The following RHPN2 variants were observed in gnomAD, a reference collection of about 807,000 sequenced individuals.
The protein encoded by RHPN2 is rhophilin-2.
RHPN2 carries 40 observed loss-of-function variants against 79.0 expected under a neutral mutation model. The observed-to-expected ratio is 0.51, with a 90% CI of 0.39 to 0.66. The LOEUF (loss-of-function observed/expected upper bound fraction) is 0.66, where lower values mean the gene tolerates loss of function less well. RHPN2 is among the 30% of genes least tolerant of loss of function. The pLI is 0.00. For missense variants in RHPN2, 686 were observed against 883.5 expected, an observed-to-expected ratio of 0.78 and a Z score of 2.83; for synonymous variants, 285 against 363.5, an observed-to-expected ratio of 0.78 and a Z score of 2.46.
At chr19:33,003,984 G>A (rs1009737059) in intron 7 of RHPN2, among the ~76,000 whole-genome samples, 17 of 152,208 alleles carry the variant, frequency 1.1e-4, no homozygotes, top group Admixed American at 3.9e-4. Flanking sequence ...AGACCAGCCT[G>A]GGCAACGTAC....
chr19:32,984,320 T>A (rs1971598924), intron 14 of RHPN2, among the ~76,000 whole-genome samples: 1 of 151,310 alleles, frequency 6.6e-6, no homozygotes, highest in African/African-American at 2.4e-5. Context: ...AAAATCCTTA[T>A]CATAAAAATT....
At chr19:32,999,456 A>G in intron 10 of RHPN2, 130 bp downstream of exon 10, 5 of 1,181,736 alleles carry the variant, frequency 4.2e-6, no homozygotes, top group Non-Finnish European at 6.0e-6. Flanking sequence ...TTCTGAACCC[A>G]AAGTGGCCAC....
At chr19:33,025,985 T>G (rs1049902626) in intron 3 of RHPN2, among the ~76,000 whole-genome samples, 3 of 150,620 alleles carry the variant, frequency 2.0e-5, no homozygotes, top group Non-Finnish European at 4.4e-5. Context: ...TCATTTGTTT[T>G]TTTTTTTTTT....
At chr19:32,990,308 C>T (rs1458019195) in intron 14 of RHPN2, 14 of 632,626 alleles carry the variant, frequency 2.2e-5, no homozygotes, top group Middle Eastern at 4.2e-4. Context: ...TAGGGCAAGA[C>T]GCTGTCTTTA....
chr19:33,020,310 T>C (rs1640179459), intron 4 of RHPN2, among the ~76,000 whole-genome samples: 1 of 150,498 alleles, frequency 6.6e-6, no homozygotes, highest in African/African-American at 2.5e-5. Flanking sequence ...AGACTGATAA[T>C]AGCCATTACT....
At chr19:33,013,404 AG>A (rs1478069160) in intron 4 of RHPN2, among the ~76,000 whole-genome samples, 1 of 151,980 alleles carries the variant, frequency 6.6e-6, no homozygotes, top group African/African-American at 2.4e-5. Flanking sequence ...CACATTGCCC[AG>A]GCTGGTCTCA....
intron 12 of RHPN2, among the ~76,000 whole-genome samples, 185 bp downstream of exon 12, chr19:32,993,792 G>T (rs117584195): frequency 2.0e-5 from 3 of 152,066 alleles, no homozygotes; most frequent in Non-Finnish European, 4.4e-5. Context: ...AGCAGATACC[G>T]AATCTGCCCA....
At chr19:32,990,693 A>G (rs772476330) in intron 13 of RHPN2, 24 bp from the exon 14 acceptor site, 1 of 1,613,794 alleles carries the variant, frequency 6.2e-7, no homozygotes, top group Non-Finnish European at 8.5e-7. Context: ...GTTGAAATTA[A>G]GTCAACGTTT....
chr19:33,048,745 A>AAAAAAAAC (rs1568326000), intron 1 of RHPN2, among the ~76,000 whole-genome samples: 3 of 150,808 alleles, frequency 2.0e-5, no homozygotes, highest in Admixed American at 6.6e-5. Context: ...AAAAAAAAAA[A>AAAAAAAAC]CTTTAATGTT....
rs116587215 is a variant in RHPN2 at position 33,003,875 on chromosome 19, T to C, written c.761-875A>G. 1.5e-3 allele frequency among the ~76,000 whole-genome samples: 235 copies of C among 152,176 alleles called. 2 individuals are homozygous for C. Among genetic ancestry groups the C allele is most frequent in the African/African-American group, 5.3e-3 (221 of 41,514 alleles). Reference sequence around the variant, plus strand: ...GAGTACAGAGCTTTGCTTTGGATGATGAAAAAGTTCCGGAGATAGCTGGGC... The same window carrying C: ...GAGTACAGAGCTTTGCTTTGGATGACGAAAAAGTTCCGGAGATAGCTGGGC... On this transcript the variant is annotated intron_variant, in intron 7 of 14. Transcript: ENST00000254260.
At chr19:33,058,556 T>C (rs7259879) in intron 1 of RHPN2, among the ~76,000 whole-genome samples, 63,066 of 151,944 alleles carry the variant, frequency 0.42, 16,669 homozygotes, top group African/African-American at 0.74. Flanking sequence ...CCGAGGCAGG[T>C]GGATTACGCA....
rs868777275 is a variant in RHPN2 at position 33,026,688 on chromosome 19, G to A, written c.186-56C>T. 7 of 1,580,908 alleles carry A rather than the reference G, an allele frequency of 4.4e-6. No individual in the cohort carries two copies. The South Asian group carries it at 6.6e-5, about 15-fold the overall frequency. Reference sequence around the variant, plus strand: ...CTCAGCCAGGTATCCTGGCTTCTAGGTGAGCAGACCCAATCCCCAGTCCCT... The same window carrying A: ...CTCAGCCAGGTATCCTGGCTTCTAGATGAGCAGACCCAATCCCCAGTCCCT... On this transcript the variant is annotated intron_variant, in intron 2 of 14. Coordinates refer to ENST00000254260, the MANE Select transcript of RHPN2 (RefSeq NM_033103.5).
At chr19:33,004,572 T>G (rs1255671870) in intron 7 of RHPN2, among the ~76,000 whole-genome samples, 4 of 152,034 alleles carry the variant, frequency 2.6e-5, no homozygotes, top group African/African-American at 9.7e-5. Context: ...ATAGTACATT[T>G]TAAGTTATAT....
chr19:33,037,638 G>A (rs751841740), intron 2 of RHPN2, among the ~76,000 whole-genome samples: 11 of 151,916 alleles, frequency 7.2e-5, no homozygotes, highest in Non-Finnish European at 1.5e-4. Flanking sequence ...AACTCCAGAC[G>A]TGCCGCCTTA....
intron 1 of RHPN2, among the ~76,000 whole-genome samples, chr19:33,064,467 A>G (rs1380286807): frequency 7.0e-6 from 1 of 142,002 alleles, no homozygotes; most frequent in Non-Finnish European, 1.5e-5. Context: ...AGGGATCGCA[A>G]GCGAGGGGTG....
chr19:33,048,381 C>T (rs1488268938), intron 1 of RHPN2, among the ~76,000 whole-genome samples: 1 of 151,292 alleles, frequency 6.6e-6, no homozygotes, highest in Non-Finnish European at 1.5e-5. Context: ...AAATTAATAT[C>T]GTTTAAAGCA....
chr19:33,030,845 C>T (rs1231544629), intron 2 of RHPN2, among the ~76,000 whole-genome samples: 1 of 152,214 alleles, frequency 6.6e-6, no homozygotes, highest in African/African-American at 2.4e-5. Context: ...GGCGTAAGCA[C>T]ATACCCCACA....
Position 32,990,601 on chromosome 19 carries a change from C to A in RHPN2, c.1713G>T (p.Leu571=). ...IQLVDCKWLT[L]SEVMKLLKSF... is the part of the protein sequence containing the mutation. Reference sequence around the variant, plus strand: ...TCTTCAGCAGCTTCATAACCTCACTCAGCGTCAGCCACTTACAATCCACAA... The same window carrying A: ...TCTTCAGCAGCTTCATAACCTCACTAAGCGTCAGCCACTTACAATCCACAA... Residue 571 remains leucine, a synonymous_variant, in exon 14 of 15, where the codon CTG becomes CTT. Coordinates refer to ENST00000254260, the MANE Select transcript of RHPN2 (RefSeq NM_033103.5). 6.2e-7 allele frequency: 1 copy of A among 1,613,934 alleles called. No individual in the cohort carries two copies. The highest frequency in any genetic ancestry group is 8.5e-7 in the Non-Finnish European group (1 of 1,179,866).
At chr19:32,988,522 G>A (rs1040381145) in intron 14 of RHPN2, among the ~76,000 whole-genome samples, 8 of 152,128 alleles carry the variant, frequency 5.3e-5, no homozygotes, top group South Asian at 2.1e-4. Flanking sequence ...ATCACACCAC[G>A]CCGTTCCCCT....
Sources: allele counts gnomAD v4.1 joint callset (sites outside exome capture counted in the v4.1 genomes callset), GRCh38; gene constraint gnomAD v4.1.1; transcripts MANE v1.5; gene names NCBI Gene and HGNC (gene_info 2026-07-23, HGNC 2026-07-21).